LINGO2: variants seen among roughly 807,000 people sequenced by gnomAD.
LINGO2 encodes leucine-rich repeat and immunoglobulin-like domain-containing nogo receptor-interacting protein 2.
In LINGO2, 14 loss-of-function variants were observed where a neutral mutation model predicts 30.6. The observed-to-expected ratio is 0.46, with a 90% CI of 0.30 to 0.72. LINGO2 has a LOEUF of 0.72. Among genes scored for constraint, LINGO2 ranks in the 30% least tolerant of loss-of-function variants. The pLI is 0.07. For missense variants in LINGO2, 729 were observed against 751.7 expected (o/e 0.97, Z 0.35); for synonymous variants, 317 against 288.5 (o/e 1.10, Z -1.00).
At chr9:28,209,441 T>A (rs1467013602) in intron 4 of LINGO2, among the ~76,000 whole-genome samples, 3 of 151,946 alleles carry the variant, frequency 2.0e-5, no homozygotes, top group Non-Finnish European at 4.4e-5. Context: ...TCTCATGAAC[T>A]TTTTGTTACA....
At chr9:28,771,480 TGTGTGTGTGTGTGTGTGTGTGTGTGTGA>T in the LINGO2 span, among the ~76,000 whole-genome samples, 5 of 134,944 alleles carry the variant, frequency 3.7e-5, no homozygotes, top group South Asian at 2.8e-4. Context: ...TGTGTGTGTG[TGTGTGTGTGTGTGTGTGTGTGTGTGTGA>T]GAGAGAGAGA....
chr9:28,978,502 T>A, the LINGO2 span, among the ~76,000 whole-genome samples: 1 of 152,090 alleles, frequency 6.6e-6, no homozygotes, highest in East Asian at 1.9e-4. Context: ...CCTCCTTTTA[T>A]AAAATGGGAA....
At chr9:28,704,672 C>A in the LINGO2 span, among the ~76,000 whole-genome samples, 2 of 151,936 alleles carry the variant, frequency 1.3e-5, no homozygotes, top group Non-Finnish European at 2.9e-5. Flanking sequence ...ATTCTTCAAC[C>A]ATTCTCAGTC....
chr9:28,579,582 ATAT>A (rs1197329527), intron 1 of LINGO2, among the ~76,000 whole-genome samples: 5 of 152,100 alleles, frequency 3.3e-5, no homozygotes, highest in African/African-American at 9.7e-5. Flanking sequence ...TTTGCATGAA[ATAT>A]TATATGATTT....
chr9:28,532,952 C>T (rs996312216), intron 1 of LINGO2, among the ~76,000 whole-genome samples: 2 of 152,028 alleles, frequency 1.3e-5, no homozygotes, highest in Admixed American at 6.6e-5. Flanking sequence ...ACATACTTGG[C>T]TCTTTGGTCC....
the LINGO2 span, among the ~76,000 whole-genome samples, chr9:28,910,308 AT>A: frequency 0.042 from 6,313 of 151,448 alleles, 201 homozygotes; most frequent in Admixed American, 0.082. Context: ...ATGCTCACCA[AT>A]TTTTTTTTGA....
chr9:28,584,493 G>A (rs1045380402), intron 1 of LINGO2, among the ~76,000 whole-genome samples: 4 of 151,850 alleles, frequency 2.6e-5, no homozygotes, highest in African/African-American at 7.3e-5. Context: ...AAAGAAGAGC[G>A]GTGTTATTGC....
intron 4 of LINGO2, among the ~76,000 whole-genome samples, chr9:28,097,495 C>T (rs1389187396): frequency 1.4e-5 from 2 of 145,238 alleles, no homozygotes; most frequent in Non-Finnish European, 3.0e-5. Context: ...CCATGGAATA[C>T]TATGCAGCCA....
the LINGO2 span, among the ~76,000 whole-genome samples, chr9:28,680,506 T>C: frequency 2.6e-5 from 4 of 152,102 alleles, no homozygotes. Context: ...CATATGGTAA[T>C]TCTATTTTTA....
the LINGO2 span, among the ~76,000 whole-genome samples, chr9:29,038,794 A>T: frequency 6.6e-6 from 1 of 152,252 alleles, no homozygotes; most frequent in Non-Finnish European, 1.5e-5. Flanking sequence ...AAGTATAAAC[A>T]GAAAGTAGAG....
chr9:28,679,685 T>G, the LINGO2 span, among the ~76,000 whole-genome samples: 2 of 152,094 alleles, frequency 1.3e-5, no homozygotes, highest in Non-Finnish European at 2.9e-5. Flanking sequence ...ATAATTATAT[T>G]TAAATGTAGA....
At chr9:28,855,264 G>A in the LINGO2 span, among the ~76,000 whole-genome samples, 1 of 152,000 alleles carries the variant, frequency 6.6e-6, no homozygotes, top group Non-Finnish European at 1.5e-5. Context: ...TGCAAAGGAA[G>A]GGTGGAAGGC....
the LINGO2 span, among the ~76,000 whole-genome samples, chr9:28,812,072 A>ATT: frequency 1.4e-5 from 2 of 147,306 alleles, no homozygotes; most frequent in African/African-American, 4.9e-5. Context: ...TCTTGTGGCA[A>ATT]TTTTTTTTTT....
At chr9:29,054,809 C>A in the LINGO2 span, among the ~76,000 whole-genome samples, 10 of 152,034 alleles carry the variant, frequency 6.6e-5, no homozygotes, top group African/African-American at 2.2e-4. Flanking sequence ...AGAAAACAGA[C>A]TAAAACAAAA....
At chr9:28,924,412 G>T in the LINGO2 span, among the ~76,000 whole-genome samples, 1 of 151,988 alleles carries the variant, frequency 6.6e-6, no homozygotes, top group African/African-American at 2.4e-5. Flanking sequence ...GTAGAGACAG[G>T]ATTTCGTCAT....
the LINGO2 span, among the ~76,000 whole-genome samples, chr9:28,713,414 T>C: frequency 6.6e-6 from 1 of 152,132 alleles, no homozygotes; most frequent in Non-Finnish European, 1.5e-5. Flanking sequence ...TGCCCTCCGT[T>C]TCCCAGCTTC....
At chr9:28,866,424 C>G in the LINGO2 span, among the ~76,000 whole-genome samples, 1 of 151,898 alleles carries the variant, frequency 6.6e-6, no homozygotes, top group Non-Finnish European at 1.5e-5. Context: ...TCCCTAACCC[C>G]AAAGGAATTC....
At chr9:28,015,061 G>A (rs997550499) in intron 4 of LINGO2, among the ~76,000 whole-genome samples, 4 of 152,048 alleles carry the variant, frequency 2.6e-5, no homozygotes, top group Non-Finnish European at 5.9e-5. Context: ...TAGCAAAGTT[G>A]TGTCTCAAAT....
chr9:28,375,782 G>T (rs1821107529), intron 2 of LINGO2, among the ~76,000 whole-genome samples: 1 of 152,188 alleles, frequency 6.6e-6, no homozygotes, highest in Non-Finnish European at 1.5e-5. Flanking sequence ...TGCATTTCCT[G>T]TTCACAAAAG....
Sources: gnomAD v4.1 joint callset for allele counts (sites outside exome capture counted in the v4.1 genomes callset) on GRCh38, gnomAD v4.1.1 for gene constraint, MANE v1.5 for transcripts, NCBI Gene and HGNC (gene_info 2026-07-23, HGNC 2026-07-21) for gene names.